TTLL5: variants seen among roughly 807,000 people sequenced by gnomAD.
TTLL5 encodes tubulin tyrosine ligase like 5.
TTLL5 carries 132 observed loss-of-function variants against 168.4 expected under a neutral mutation model. The ratio of observed to expected loss-of-function variants is 0.78; its 90% CI spans 0.68 to 0.91. TTLL5 has a LOEUF of 0.91. Among genes scored for constraint, TTLL5 ranks in the 40% least tolerant of loss-of-function variants. The probability of loss-of-function intolerance (pLI) is 0.00; values close to 1 mark genes in which losing one functional copy is unlikely to be tolerated. For missense variants in TTLL5, 1,545 were observed against 1,581.5 expected, an observed-to-expected ratio of 0.98 and a Z score of 0.39; for synonymous variants, 546 against 558.6, an observed-to-expected ratio of 0.98 and a Z score of 0.32.
chr14:75,856,625 CTTTT>C (rs35004666), intron 28 of TTLL5, among the ~76,000 whole-genome samples: 4 of 97,258 alleles, frequency 4.1e-5, no homozygotes, highest in African/African-American at 1.1e-4. Flanking sequence ...AGTTGTATTG[CTTTT>C]TTTTTTTTTT....
At chr14:75,797,068 ATTTG>A (rs1420344433) in intron 27 of TTLL5, among the ~76,000 whole-genome samples, 1 of 152,046 alleles carries the variant, frequency 6.6e-6, no homozygotes, top group Non-Finnish European at 1.5e-5. Flanking sequence ...ATGTGTTTCC[ATTTG>A]TTTGTGTCAT....
chr14:75,894,754 A>G (rs2032571643), intron 30 of TTLL5, among the ~76,000 whole-genome samples: 1 of 152,236 alleles, frequency 6.6e-6, no homozygotes, highest in South Asian at 2.1e-4. Flanking sequence ...AATATCAACA[A>G]AAGATAGACA....
At chr14:75,666,617 G>C (rs1883283107) in intron 2 of TTLL5, among the ~76,000 whole-genome samples, 1 of 152,204 alleles carries the variant, frequency 6.6e-6, no homozygotes, top group Non-Finnish European at 1.5e-5. Context: ...GAAGGAGCTG[G>C]GGAAGGCTGC....
chr14:75,921,889 T>G (rs2033837944), intron 31 of TTLL5, among the ~76,000 whole-genome samples: 1 of 152,230 alleles, frequency 6.6e-6, no homozygotes, highest in Non-Finnish European at 1.5e-5. Flanking sequence ...GTTTGAGTCC[T>G]CTTTTATTTT....
intron 26 of TTLL5, 137 bp from the exon 27 acceptor site, chr14:75,792,779 T>G: frequency 1.5e-6 from 1 of 661,300 alleles, no homozygotes; most frequent in Non-Finnish European, 2.3e-6. Context: ...CATTTGAAGA[T>G]AGTTTATTTC....
intron 28 of TTLL5, among the ~76,000 whole-genome samples, chr14:75,843,228 A>G (rs986196356): frequency 6.6e-6 from 1 of 152,130 alleles, no homozygotes; most frequent in East Asian, 1.9e-4. Context: ...GCCAGTGTGG[A>G]AGTGCATGCA....
intron 26 of TTLL5, among the ~76,000 whole-genome samples, chr14:75,790,108 T>G (rs946419443): frequency 6.6e-6 from 1 of 152,084 alleles, no homozygotes; most frequent in African/African-American, 2.4e-5. Context: ...GGGAGAGATG[T>G]CTCAATAAAT....
intron 7 of TTLL5, among the ~76,000 whole-genome samples, chr14:75,703,236 A>T (rs906665676): frequency 6.6e-6 from 1 of 152,214 alleles, no homozygotes; most frequent in Non-Finnish European, 1.5e-5. Flanking sequence ...TGAGGGCCAA[A>T]TGAAAATATC....
chr14:75,895,625 CTG>C (rs1180792066), intron 30 of TTLL5, among the ~76,000 whole-genome samples: 2 of 152,000 alleles, frequency 1.3e-5, no homozygotes, highest in African/African-American at 2.4e-5. Flanking sequence ...ATATTTTAAA[CTG>C]TATGGCTCTA....
At chr14:75,825,171 T>C (rs1174451704) in intron 28 of TTLL5, among the ~76,000 whole-genome samples, 7 of 152,206 alleles carry the variant, frequency 4.6e-5, no homozygotes, top group Non-Finnish European at 8.8e-5. Context: ...ACTTTTTTGG[T>C]GTAGGTTTCT....
Position 75,776,153 on chromosome 14 carries a change from G to T in TTLL5, c.2283+523G>T, listed in dbSNP as rs1015813382. 3.3e-5 allele frequency among the ~76,000 whole-genome samples: 5 copies of T among 152,110 alleles called. No homozygotes were observed. The East Asian group carries it at 9.6e-4, about 29-fold the overall frequency. On this transcript the variant is annotated intron_variant, in intron 22 of 31. Coordinates refer to ENST00000298832, the MANE Select transcript of TTLL5 (RefSeq NM_015072.5). Reference sequence around the variant, plus strand: ...AGAATGCATTAAAAATATCATTTTGGGTGTTTGGGTTTGGGAGGTTTGGTC... The same window carrying T: ...AGAATGCATTAAAAATATCATTTTGTGTGTTTGGGTTTGGGAGGTTTGGTC...
chr14:75,863,626 C>T (rs760980345), intron 28 of TTLL5, 41 bp from the exon 29 acceptor site: 2 of 1,539,410 alleles, frequency 1.3e-6, no homozygotes, highest in Non-Finnish European at 8.8e-7. Flanking sequence ...ATTGTTCATA[C>T]AGCCACTCAC....
chr14:75,800,453 C>A (rs1187953491), intron 27 of TTLL5, among the ~76,000 whole-genome samples: 1 of 152,038 alleles, frequency 6.6e-6, no homozygotes, highest in African/African-American at 2.4e-5. Context: ...AAATAATCGA[C>A]CTTTTGAGTT....
intron 9 of TTLL5, among the ~76,000 whole-genome samples, chr14:75,714,466 T>C (rs185873339): frequency 6.6e-6 from 1 of 152,352 alleles, no homozygotes; most frequent in East Asian, 1.9e-4. Flanking sequence ...TGATGATTTT[T>C]TAATTCCATC....
At chr14:75,786,529 G>C (rs978600357) in intron 26 of TTLL5, among the ~76,000 whole-genome samples, 1 of 152,146 alleles carries the variant, frequency 6.6e-6, no homozygotes, top group Non-Finnish European at 1.5e-5. Flanking sequence ...AACATAATCT[G>C]AATGGATTAA....
chr14:75,830,181 A>G (rs536148093), intron 28 of TTLL5, among the ~76,000 whole-genome samples: 15 of 152,176 alleles, frequency 9.9e-5, no homozygotes, highest in Non-Finnish European at 2.1e-4. Flanking sequence ...AATTAAAACA[A>G]ATTTTTTCAA....
intron 28 of TTLL5, among the ~76,000 whole-genome samples, chr14:75,833,061 G>A (rs1895669440): frequency 6.6e-6 from 1 of 152,116 alleles, no homozygotes; most frequent in Admixed American, 6.6e-5. Flanking sequence ...TGCCCATCAG[G>A]AACACCAGGT....
rs1240711454 is a variant in TTLL5 at position 75,764,649 on chromosome 14, G to C, written c.1585G>C (p.Glu529Gln). 2 of 1,614,048 alleles carry C rather than the reference G, an allele frequency of 1.2e-6. No homozygotes were observed. The highest frequency in any genetic ancestry group is 8.5e-7 in the Non-Finnish European group (1 of 1,179,998). ...TGATGGAGCGCCAGAATTGAAGATA[G>C]AGAGTCTGAATTCAAAGGCCAAGCT... is the stretch of plus-strand genomic sequence containing the variant. ...TADGAPELKI[E>Q]SLNSKAKLHA... is the part of the protein sequence containing the mutation. The change falls in exon 19 of 32, where the codon GAG (glutamate) becomes CAG (glutamine). Residue 529 changes from glutamate (E) to glutamine (Q), a missense_variant. Glu to Gln is a conservative substitution (Grantham distance 29). Transcript: ENST00000298832.
intron 3 of TTLL5, among the ~76,000 whole-genome samples, chr14:75,678,792 C>G (rs752934503): frequency 1.3e-5 from 2 of 152,136 alleles, no homozygotes; most frequent in African/African-American, 4.8e-5. Flanking sequence ...GGTGATGGCA[C>G]ATTTGATCAT....
Sources: allele counts gnomAD v4.1 joint callset (sites outside exome capture counted in the v4.1 genomes callset), GRCh38; gene constraint gnomAD v4.1.1; transcripts MANE v1.5; gene names NCBI Gene and HGNC (gene_info 2026-07-23, HGNC 2026-07-21).